The following HIBCH variants were observed in gnomAD, a reference collection of about 807,000 sequenced individuals.
HIBCH encodes 3-hydroxyisobutyryl-CoA hydrolase, mitochondrial.
A neutral mutation model predicts 58.2 loss-of-function variants in HIBCH; 50 were observed. That is an observed-to-expected ratio of 0.86 (90% CI 0.68 to 1.09). The LOEUF (loss-of-function observed/expected upper bound fraction) is 1.09, where lower values mean the gene tolerates loss of function less well. Among genes scored for constraint, HIBCH ranks in the 50% least tolerant of loss-of-function variants. The probability of loss-of-function intolerance (pLI) is 0.00; values close to 1 mark genes in which losing one functional copy is unlikely to be tolerated. For missense variants in HIBCH, 450 were observed against 449.7 expected (o/e 1.00, Z -0.01); for synonymous variants, 151 against 146.9 (o/e 1.03, Z -0.20).
At chr2:190,258,285 C>G (rs1686985354) in intron 7 of HIBCH, among the ~76,000 whole-genome samples, 1 of 152,180 alleles carries the variant, frequency 6.6e-6, no homozygotes, top group East Asian at 1.9e-4. Flanking sequence ...TCCTGTACAG[C>G]CTGTGGAACT....
At chr2:190,294,020 G>GTATATATATATATATATATATATATA (rs1413194024) in intron 4 of HIBCH, among the ~76,000 whole-genome samples, 1 of 125,876 alleles carries the variant, frequency 7.9e-6, no homozygotes, top group Non-Finnish European at 1.6e-5. Context: ...TATATTTTGT[G>GTATATATATATATATATATATATATA]TGTATATATA....
Position 190,292,227 on chromosome 2 carries a change from C to T in HIBCH, c.305-1742G>A, listed in dbSNP as rs543308371. Among the ~76,000 whole-genome samples the T allele has an allele frequency of 2.0e-5, 3 of 152,232 alleles. No individual in the cohort carries two copies. The South Asian group carries it at 6.2e-4, about 32-fold the overall frequency. ...GAACTCCCAACCTCAGGTGATCTGC[C>T]GGCTCGGGCCTCCTAACTCTAGAAT... is the stretch of plus-strand genomic sequence containing the variant. On this transcript the variant is annotated intron_variant, in intron 4 of 13. Coordinates refer to ENST00000359678, the MANE Select transcript of HIBCH (RefSeq NM_014362.4).
intron 6 of HIBCH, among the ~76,000 whole-genome samples, chr2:190,263,979 A>G (rs1687163142): frequency 6.6e-6 from 1 of 152,124 alleles, no homozygotes; most frequent in East Asian, 1.9e-4. Flanking sequence ...CATCTACACT[A>G]TTACGACCCT....
intron 6 of HIBCH, among the ~76,000 whole-genome samples, chr2:190,266,856 A>T (rs1687255237): frequency 6.6e-6 from 1 of 152,094 alleles, no homozygotes; most frequent in Non-Finnish European, 1.5e-5. Context: ...TCCTGGGTTC[A>T]AGCAATTTTC....
chr2:190,302,688 T>C (rs2136569), intron 2 of HIBCH, among the ~76,000 whole-genome samples: 84,089 of 151,970 alleles, frequency 0.55, 24,186 homozygotes, highest in South Asian at 0.6. Context: ...CAAGCTCTCA[T>C]TCCATCTTGG....
rs1686356474 is a variant in HIBCH, at chr2:190,238,673, C to A, written c.891+6214G>T. ...AGAGACATGGTTTCACCATATTAGT[C>A]AGGCTGGTCCTGAACTCCTGACCTC... On this transcript the variant is annotated intron_variant, in intron 11 of 13. Transcript: ENST00000359678. Among the ~76,000 whole-genome samples the A allele has an allele frequency of 1.3e-5, 2 of 152,226 alleles. 1 individual carries two copies. The highest frequency in any genetic ancestry group is 1.3e-4 in the Admixed American group (2 of 15,280).
intron 2 of HIBCH, among the ~76,000 whole-genome samples, chr2:190,301,939 T>C (rs1009838667): frequency 6.6e-6 from 1 of 152,190 alleles, no homozygotes; most frequent in East Asian, 1.9e-4. Context: ...CACCTCTTAA[T>C]ACCATCACAT....
At chr2:190,288,486 A>C (rs1687884727) in intron 5 of HIBCH, among the ~76,000 whole-genome samples, 1 of 149,960 alleles carries the variant, frequency 6.7e-6, no homozygotes, top group South Asian at 2.2e-4. Flanking sequence ...AAGGGACCAC[A>C]TACTAGATAG....
chr2:190,292,931 T>C (rs1687994403), intron 4 of HIBCH, among the ~76,000 whole-genome samples: 1 of 152,228 alleles, frequency 6.6e-6, no homozygotes, highest in African/African-American at 2.4e-5. Context: ...ATTTTCTGAG[T>C]GTCCACTTAT....
intron 6 of HIBCH, among the ~76,000 whole-genome samples, chr2:190,265,727 C>G (rs1210532121): frequency 6.6e-6 from 1 of 152,268 alleles, no homozygotes; most frequent in Admixed American, 6.5e-5. Flanking sequence ...TAAAGACTTA[C>G]TTTCATTAAC....
At chr2:190,299,183 T>G (rs898358367) in intron 2 of HIBCH, among the ~76,000 whole-genome samples, 1 of 152,220 alleles carries the variant, frequency 6.6e-6, no homozygotes, top group Non-Finnish European at 1.5e-5. Flanking sequence ...AACAGCACAC[T>G]TATTAGCAAA....
chr2:190,283,987 G>A (rs926345192), intron 6 of HIBCH, among the ~76,000 whole-genome samples: 2 of 152,176 alleles, frequency 1.3e-5, no homozygotes, highest in Admixed American at 1.3e-4. Context: ...AGCTTGGCTT[G>A]TTCAAACAGA....
intron 1 of HIBCH, among the ~76,000 whole-genome samples, chr2:190,312,063 G>A (rs576100192): frequency 2.6e-5 from 4 of 152,162 alleles, no homozygotes; most frequent in South Asian, 2.1e-4. Context: ...ACTTCAGAAC[G>A]GTGTACTCAA....
At position 190,204,931 on chromosome 2, in the gene HIBCH, T is replaced by A; in HGVS notation, c.*186A>T. ...TATAGCTAGTTCCAATAAAGCTTTA[T>A]TTGTGAATTCTGATAATTTTCACGT... On this transcript the variant is annotated 3_prime_UTR_variant, in exon 14 of 14. Transcript: ENST00000359678. 1 of 601,936 alleles carries A rather than the reference T, an allele frequency of 1.7e-6. No homozygotes were observed. Among genetic ancestry groups the A allele is most frequent in the Non-Finnish European group, 3.0e-6 (1 of 336,646 alleles). 37.3% of individuals were successfully genotyped at this position (601,936 alleles called of 1,614,324 possible). A position where few individuals can be genotyped will look rare whatever the true frequency, so the allele number is the denominator to read the frequency against.
At chr2:190,222,572 T>C (rs1268059165) in intron 11 of HIBCH, among the ~76,000 whole-genome samples, 1 of 152,152 alleles carries the variant, frequency 6.6e-6, no homozygotes, top group Non-Finnish European at 1.5e-5. Context: ...CATAATGAGA[T>C]ACCATTTCAC....
chr2:190,291,139 C>CGT (rs1237623925), intron 4 of HIBCH, among the ~76,000 whole-genome samples: 3 of 152,178 alleles, frequency 2.0e-5, no homozygotes, highest in East Asian at 1.9e-4. Flanking sequence ...ATGTATTATA[C>CGT]GTGTGTGTAT....
intron 11 of HIBCH, among the ~76,000 whole-genome samples, chr2:190,226,684 A>G (rs1212235934): frequency 2.0e-5 from 3 of 151,778 alleles, no homozygotes; most frequent in African/African-American, 7.3e-5. Context: ...AAACCCCATC[A>G]TCTCAGCCCC....
At chr2:190,224,110 C>T (rs1249592298) in intron 11 of HIBCH, among the ~76,000 whole-genome samples, 2 of 152,218 alleles carry the variant, frequency 1.3e-5, no homozygotes, top group African/African-American at 4.8e-5. Flanking sequence ...AGATTATATC[C>T]TGCACCTGGC....
In HIBCH at chr2:190,243,689, C is replaced by T. The variant is rs528297067; in HGVS notation, c.891+1198G>A. On this transcript the variant is annotated intron_variant, in intron 11 of 13. Coordinates refer to ENST00000359678, the MANE Select transcript of HIBCH (RefSeq NM_014362.4). This position sits in a 1 kb window ranked among gnomAD's most constrained non-coding sequence, Gnocchi z 4.1. ...CCCCCTTAAGAATACAGTAAAAGGC[C>T]GGGTGTGGTGGCTCACACCTGTAAT... Among the ~76,000 whole-genome samples, 2 of 152,162 alleles carry T rather than the reference C, an allele frequency of 1.3e-5. No individual in the cohort carries two copies. The highest frequency in any genetic ancestry group is 2.4e-5 in the African/African-American group (1 of 41,504).
Sources: allele counts gnomAD v4.1 joint callset (sites outside exome capture counted in the v4.1 genomes callset), GRCh38; gene constraint gnomAD v4.1.1; non-coding constraint Gnocchi (gnomAD v3.1); transcripts MANE v1.5; gene names NCBI Gene and HGNC (gene_info 2026-07-23, HGNC 2026-07-21).